RBM6: variants seen among roughly 807,000 people sequenced by gnomAD.
RBM6 encodes RNA-binding protein 6.
A neutral mutation model predicts 140.4 loss-of-function variants in RBM6; 23 were observed. The observed-to-expected ratio is 0.16, with a 90% CI of 0.12 to 0.23. RBM6 has a LOEUF of 0.23. RBM6 is among the 10% of genes least tolerant of loss of function. RBM6 has a pLI of 1.00. For synonymous variants in RBM6, 439 were observed against 475.6 expected (o/e 0.92, Z 1.00); for missense variants, 1,139 against 1,386.7 (o/e 0.82, Z 2.84).
At chr3:50,040,091 A>T (rs1218799253) in intron 6 of RBM6, among the ~76,000 whole-genome samples, 1 of 152,076 alleles carries the variant, frequency 6.6e-6, no homozygotes, top group Non-Finnish European at 1.5e-5. Flanking sequence ...TGCATGTAAG[A>T]CCTGCAAGGA....
intron 6 of RBM6, among the ~76,000 whole-genome samples, chr3:50,025,356 G>A (rs2087739452): frequency 2.0e-5 from 3 of 151,564 alleles, no homozygotes; most frequent in African/African-American, 7.3e-5. Flanking sequence ...CCAGGAGGTA[G>A]AGGTTGCAGT....
intron 1 of RBM6, among the ~76,000 whole-genome samples, chr3:49,955,160 CTTTTTTTTTTTT>C (rs869272546): frequency 4.1e-5 from 3 of 72,706 alleles, no homozygotes; most frequent in African/African-American, 1.2e-4. Context: ...TTTTTTCTTT[CTTTTTTTTTTTT>C]TTTTTTTTTT....
At chr3:50,020,680 C>T (rs952467083) in intron 6 of RBM6, among the ~76,000 whole-genome samples, 4 of 152,172 alleles carry the variant, frequency 2.6e-5, no homozygotes, top group Non-Finnish European at 5.9e-5. Flanking sequence ...AGTGTACATA[C>T]ACAAACCTAA....
intron 3 of RBM6, among the ~76,000 whole-genome samples, chr3:49,969,433 T>G (rs1345313173): frequency 6.8e-6 from 1 of 147,702 alleles, no homozygotes; most frequent in Non-Finnish European, 1.5e-5. Context: ...GAAAAGGTCC[T>G]CAGCTCAGAT....
chr3:50,037,618 G>T (rs1559616310), intron 6 of RBM6, among the ~76,000 whole-genome samples: 1 of 152,040 alleles, frequency 6.6e-6, no homozygotes. Context: ...TAGATAAAGG[G>T]TCAGTAGAAA....
At chr3:50,025,953 G>A (rs1362062514) in intron 6 of RBM6, among the ~76,000 whole-genome samples, 1 of 152,152 alleles carries the variant, frequency 6.6e-6, no homozygotes, top group Non-Finnish European at 1.5e-5. Flanking sequence ...AATTAGCTGG[G>A]TGTGGTGGCA....
chr3:50,040,751 G>C (rs1455866767), intron 6 of RBM6, among the ~76,000 whole-genome samples: 2 of 151,500 alleles, frequency 1.3e-5, no homozygotes, highest in Non-Finnish European at 2.9e-5. Flanking sequence ...CGACCTCACA[G>C]GTTCAAGCAA....
intron 17 of RBM6, among the ~76,000 whole-genome samples, chr3:50,068,246 G>A (rs1425452319): frequency 6.6e-6 from 1 of 152,164 alleles, no homozygotes; most frequent in East Asian, 1.9e-4. Context: ...GAGGGCTTGT[G>A]TAGTAGAGCC....
In RBM6 at chr3:49,961,838, A is replaced by C. The variant is rs898162079; in HGVS notation, c.-66-738A>C. On this transcript the variant is annotated intron_variant, in intron 1 of 20. Transcript: ENST00000266022. ...AAGTATTTTTCTTATTATAAATTTAATATGTAAGTGATGTAAGTGTTTGAA... is the reference window on the plus strand; with the variant it reads ...AAGTATTTTTCTTATTATAAATTTACTATGTAAGTGATGTAAGTGTTTGAA... Among the ~76,000 whole-genome samples the C allele has an allele frequency of 3.3e-5, 5 of 150,922 alleles. No individual in the cohort carries two copies. In the East Asian group the frequency reaches 7.8e-4, roughly 24 times the overall value.
chr3:50,024,827 C>T (rs1401556648), intron 6 of RBM6, among the ~76,000 whole-genome samples: 1 of 151,898 alleles, frequency 6.6e-6, no homozygotes, highest in African/African-American at 2.4e-5. Flanking sequence ...GTGACGGGCC[C>T]CTGTAGTCCC....
At chr3:50,044,581 CAA>C (rs374050158) in intron 6 of RBM6, among the ~76,000 whole-genome samples, 10 of 105,670 alleles carry the variant, frequency 9.5e-5, no homozygotes, top group Admixed American at 3.1e-4. Flanking sequence ...GACTCCGTCT[CAA>C]AAAAAAAAAA....
intron 7 of RBM6, among the ~76,000 whole-genome samples, chr3:50,051,182 A>G (rs904274291): frequency 6.6e-6 from 1 of 152,076 alleles, no homozygotes; most frequent in African/African-American, 2.4e-5. Context: ...TCTACAAAAA[A>G]TACAAAATTT....
At chr3:49,953,131 CT>C (rs1224114823) in intron 1 of RBM6, among the ~76,000 whole-genome samples, 2 of 151,894 alleles carry the variant, frequency 1.3e-5, no homozygotes, top group African/African-American at 4.8e-5. Flanking sequence ...TCATGGCTTA[CT>C]GCAGGCTGAA....
chr3:50,008,154 C>G (rs900616766), intron 6 of RBM6, among the ~76,000 whole-genome samples: 4 of 151,964 alleles, frequency 2.6e-5, no homozygotes, highest in Admixed American at 2.0e-4. Flanking sequence ...ATCTCAGGCT[C>G]TTTAATTATG....
chr3:50,047,326 G>A (rs1236893800), intron 6 of RBM6: 3 of 985,212 alleles, frequency 3.0e-6, no homozygotes, highest in South Asian at 4.7e-5. Flanking sequence ...TCGCATTCTC[G>A]GTTAGTTCAC....
At chr3:50,044,146 A>G (rs1247814681) in intron 6 of RBM6, among the ~76,000 whole-genome samples, 4 of 150,810 alleles carry the variant, frequency 2.7e-5, no homozygotes, top group Non-Finnish European at 3.0e-5. Flanking sequence ...CCAAAGTGCT[A>G]GGATTACAGG....
intron 3 of RBM6, among the ~76,000 whole-genome samples, chr3:49,970,386 T>C (rs2084735976): frequency 6.6e-6 from 1 of 152,156 alleles, no homozygotes; most frequent in African/African-American, 2.4e-5. Context: ...ACCCTTTTGA[T>C]GTGTGTTTAT....
intron 5 of RBM6, among the ~76,000 whole-genome samples, chr3:49,982,821 C>T (rs1184868267): frequency 6.6e-6 from 1 of 152,084 alleles, no homozygotes; most frequent in African/African-American, 2.4e-5. Flanking sequence ...GAGTTCAATT[C>T]TCCTGCCTCA....
At position 49,945,176 on chromosome 3, in the gene RBM6, A is replaced by ATTTT. The variant is rs34249907; in HGVS notation, c.-67+4968_-67+4971dup. 7.6e-4 allele frequency among the ~76,000 whole-genome samples: 93 copies of ATTTT among 122,118 alleles called. 2 individuals are homozygous for ATTTT. Among genetic ancestry groups the ATTTT allele is most frequent in the African/African-American group, 2.6e-3 (84 of 31,712 alleles). The allele number at this position is 122,118 out of a possible 152,430, so 80.1% of individuals were successfully genotyped here. A position where few individuals can be genotyped will look rare whatever the true frequency, so the allele number is the denominator to read the frequency against. ...AGGCGTGAGCCACCGCGCCCGGCCAATTTTTTTTTTTTTTTTTTTTAGACA... is the reference window on the plus strand; with the variant it reads ...AGGCGTGAGCCACCGCGCCCGGCCAATTTTTTTTTTTTTTTTTTTTTTTTAGACA... On this transcript the variant is annotated intron_variant, in intron 1 of 20. Transcript: ENST00000266022.
Sources: gnomAD v4.1 joint callset for allele counts (sites outside exome capture counted in the v4.1 genomes callset) on GRCh38, gnomAD v4.1.1 for gene constraint, MANE v1.5 for transcripts, NCBI Gene and HGNC (gene_info 2026-07-23, HGNC 2026-07-21) for gene names.